Variants in IREB2 observed in about 807,000 individuals in gnomAD.
IREB2 encodes iron responsive element binding protein 2.
IREB2 carries 39 observed loss-of-function variants against 118.8 expected under a neutral mutation model. That is an observed-to-expected ratio of 0.33 (90% CI 0.25 to 0.43). The LOEUF (loss-of-function observed/expected upper bound fraction) is 0.43. IREB2 is among the 20% of genes least tolerant of loss of function. The pLI is 1.00. For missense variants in IREB2, 900 were observed against 1,147.3 expected (o/e 0.78, Z 3.11); for synonymous variants, 372 against 392.2 (o/e 0.95, Z 0.61).
chr15:78,450,824 TTGTGTGTGTGTGTGTGTGTGTG>T (rs35092289), intron 2 of IREB2, among the ~76,000 whole-genome samples: 9 of 134,122 alleles, frequency 6.7e-5, no homozygotes, highest in African/African-American at 1.1e-4. Context: ...ATTAACAAAT[TTGTGTGTGTGTGTGTGTGTGTG>T]TGTGTGTGTG....
At position 78,499,245 on chromosome 15, in the gene IREB2, G is replaced by A. The variant is rs1316847482; in HGVS notation, c.*1102G>A. 1.3e-5 allele frequency: 2 copies of A among 152,142 alleles called. No homozygotes were observed. Among genetic ancestry groups the A allele is most frequent in the African/African-American group, 4.8e-5 (2 of 41,436 alleles). 9.4% of individuals were successfully genotyped at this position (152,142 alleles called of 1,614,324 possible). ...ACCGTAAGGATAAAACACTTAAGTT[G>A]TTGCTGAGTACTATATATCCTCAAT... On this transcript the variant is annotated 3_prime_UTR_variant, in exon 22 of 22. Coordinates refer to ENST00000258886, the MANE Select transcript of IREB2 (RefSeq NM_004136.4).
chr15:78,455,383 TC>T (rs1267617562), intron 2 of IREB2, among the ~76,000 whole-genome samples: 1 of 152,072 alleles, frequency 6.6e-6, no homozygotes, highest in Non-Finnish European at 1.5e-5. Flanking sequence ...AAATGGGCCT[TC>T]CTGAACTTTA....
chr15:78,447,908 G>C (rs540352509), intron 2 of IREB2, among the ~76,000 whole-genome samples: 1 of 152,362 alleles, frequency 6.6e-6, no homozygotes, highest in East Asian at 1.9e-4. Context: ...TGGCCAGACT[G>C]TAAATTGGTT....
chr15:78,495,493 A>G (rs1258504006), intron 20 of IREB2, among the ~76,000 whole-genome samples: 2 of 152,032 alleles, frequency 1.3e-5, no homozygotes, highest in African/African-American at 4.8e-5. Context: ...GTGATAAGCT[A>G]CCTTTTTCAT....
chr15:78,468,417 C>T (rs949179390), intron 5 of IREB2, among the ~76,000 whole-genome samples: 1 of 151,810 alleles, frequency 6.6e-6, no homozygotes, highest in Non-Finnish European at 1.5e-5. Context: ...CTTATTTTAT[C>T]TACCTTTTTT....
intron 2 of IREB2, among the ~76,000 whole-genome samples, chr15:78,453,744 G>A (rs893167595): frequency 2.0e-5 from 3 of 152,170 alleles, no homozygotes; most frequent in Non-Finnish European, 4.4e-5. Context: ...GGTAGGAAAC[G>A]GGGCTAGGTC....
intron 5 of IREB2, among the ~76,000 whole-genome samples, chr15:78,467,025 T>G (rs1265615426): frequency 4.0e-5 from 6 of 151,792 alleles, no homozygotes; most frequent in Non-Finnish European, 5.9e-5. Context: ...GAGACCAGCC[T>G]GGGCAGCACT....
At chr15:78,460,919 C>T (rs764476566) in intron 2 of IREB2, among the ~76,000 whole-genome samples, 5 of 152,114 alleles carry the variant, frequency 3.3e-5, no homozygotes, top group African/African-American at 4.8e-5. Flanking sequence ...GAGTCATCCA[C>T]AATCATAAGC....
At chr15:78,480,814 C>T in intron 10 of IREB2, among the ~76,000 whole-genome samples, 1 of 151,644 alleles carries the variant, frequency 6.6e-6, no homozygotes, top group East Asian at 1.9e-4. Flanking sequence ...TCCAGACCAT[C>T]CTGGGTAACA....
Position 78,501,079 on chromosome 15 carries a change from A to G in IREB2, c.*2936A>G, listed in dbSNP as rs141554074. ...GTCTTTAGGTTTAGGAGGAGATACT[A>G]AGATACTGGATGTTTATCCTATCTT... On this transcript the variant is annotated 3_prime_UTR_variant, in exon 22 of 22. Coordinates refer to ENST00000258886, the MANE Select transcript of IREB2 (RefSeq NM_004136.4). The G allele has an allele frequency of 8.0e-4, 122 of 152,310 alleles. No individual in the cohort carries two copies. The highest frequency in any genetic ancestry group is 2.8e-3 in the African/African-American group (115 of 41,570). 9.4% of individuals were successfully genotyped at this position (152,310 alleles called of 1,614,324 possible).
Position 78,494,228 on chromosome 15 carries a change from C to T in IREB2, c.2559C>T (p.Asn853=), listed in dbSNP as rs1566999003. The T allele has an allele frequency of 1.2e-6, 2 of 1,613,958 alleles. No homozygotes were observed. Among genetic ancestry groups the T allele is most frequent in the Admixed American group, 1.7e-5 (1 of 60,022 alleles). The change falls in exon 20 of 22, where the codon AAC becomes AAT. Residue 853 remains asparagine, a synonymous_variant. Coordinates refer to ENST00000258886, the MANE Select transcript of IREB2 (RefSeq NM_004136.4). ...ILAGKKYGSG[N]SRDWAAKGPY... ...CAGGAAAGAAATATGGTTCAGGAAA[C>T]TCCAGAGACTGGGCTGCCAAAGGAC... is the stretch of plus-strand genomic sequence containing the variant.
At chr15:78,464,452 A>G (rs2051247548) in intron 3 of IREB2, among the ~76,000 whole-genome samples, 1 of 152,194 alleles carries the variant, frequency 6.6e-6, no homozygotes, top group South Asian at 2.1e-4. Flanking sequence ...TGCTGCTATT[A>G]TGGTACTTAC....
At chr15:78,465,193 T>G in intron 3 of IREB2, 58 bp from the exon 4 acceptor site, 2 of 1,353,322 alleles carry the variant, frequency 1.5e-6, no homozygotes. Context: ...GTTTATCATT[T>G]ATTAAGCATG....
chr15:78,463,006 T>G lies in IREB2; in HGVS notation c.191T>G (p.Met64Arg). The G allele has an allele frequency of 6.2e-7, 1 of 1,613,612 alleles. No homozygotes were observed. The highest frequency in any genetic ancestry group is 8.5e-7 in the Non-Finnish European group (1 of 1,179,764). ...TTTTTAATGAAGAAGGAAGATGTTATGAACATTTTAGACTGGAAAACCAAA... is the reference window on the plus strand; with the variant it reads ...TTTTTAATGAAGAAGGAAGATGTTAGGAACATTTTAGACTGGAAAACCAAA... ...DGFLMKKEDV[M>R]NILDWKTKQS... The change falls in exon 3 of 22, where the codon ATG becomes AGG. Residue 64 changes from methionine (M) to arginine (R), a missense_variant. Met to Arg is a moderately conservative substitution (Grantham distance 91). Transcript: ENST00000258886.
chr15:78,456,319 G>C (rs992578232), intron 2 of IREB2, among the ~76,000 whole-genome samples: 1 of 152,078 alleles, frequency 6.6e-6, no homozygotes, highest in African/African-American at 2.4e-5. Context: ...TACAAATTTA[G>C]ACAAATTTGA....
At position 78,488,650 on chromosome 15, in the gene IREB2, C is replaced by G; in HGVS notation, c.1955C>G (p.Thr652Ser). The G allele has an allele frequency of 6.2e-7, 1 of 1,606,380 alleles. No homozygotes were observed. Among genetic ancestry groups the G allele is most frequent in the Admixed American group, 1.7e-5 (1 of 57,834 alleles). The change falls in exon 16 of 22, where the codon ACT becomes AGT. Residue 652 changes from threonine (T) to serine (S), a missense_variant. Transcript: ENST00000258886. Reference protein sequence around the residue: ...NIDFQTEPLGTDPTGKNIYLH... With the variant: ...NIDFQTEPLGSDPTGKNIYLH... ...CATGTTCAAAAATTTTAACCAGGTACTGACCCCACCGGCAAGAACATTTAC... is the reference window on the plus strand; with the variant it reads ...CATGTTCAAAAATTTTAACCAGGTAGTGACCCCACCGGCAAGAACATTTAC...
At chr15:78,473,491 T>G in intron 8 of IREB2, 110 bp downstream of exon 8, 1 of 769,944 alleles carries the variant, frequency 1.3e-6, no homozygotes, top group Non-Finnish European at 2.1e-6. Flanking sequence ...CTCAGGTCTC[T>G]TGACGTTAGC....
At chr15:78,483,249 T>C (rs2051606064) in intron 10 of IREB2, 69 bp from the exon 11 acceptor site, 4 of 739,340 alleles carry the variant, frequency 5.4e-6, no homozygotes, top group Non-Finnish European at 9.6e-6. Flanking sequence ...TAGAAAGTAA[T>C]GCTTCAATTG....
chr15:78,484,439 G>T (rs1177167590), intron 11 of IREB2, among the ~76,000 whole-genome samples: 1 of 152,124 alleles, frequency 6.6e-6, no homozygotes, highest in Non-Finnish European at 1.5e-5. Flanking sequence ...AAAAATTTCT[G>T]CCATCTCTTG....
Sources: gnomAD v4.1 joint callset for allele counts (sites outside exome capture counted in the v4.1 genomes callset) on GRCh38, gnomAD v4.1.1 for gene constraint, MANE v1.5 for transcripts, NCBI Gene and HGNC (gene_info 2026-07-23, HGNC 2026-07-21) for gene names.